The following LINC00237 variants were observed in gnomAD, a reference collection of about 807,000 sequenced individuals.
LINC00237 encodes the protein long independently transcribed non-coding RNA 237, also known as long intergenic non-protein coding RNA 237.
intron 2 of LINC00237, among the ~76,000 whole-genome samples, chr20:21,088,694 A>G (rs769120407): frequency 1.7e-4 from 26 of 152,240 alleles, no homozygotes; most frequent in Non-Finnish European, 3.2e-4. Context: ...GATTACAAAC[A>G]GAAAGTTCTG....
chr20:21,090,430 C>T (rs1431555854), intron 2 of LINC00237: 1 of 152,176 alleles, frequency 6.6e-6, no homozygotes, highest in African/African-American at 2.4e-5. Context: ...TGTTTATTTC[C>T]AAATTCAGGC....
chr20:21,086,215 G>A (rs143405027), intron 3 of LINC00237, among the ~76,000 whole-genome samples: 68 of 152,128 alleles, frequency 4.5e-4, no homozygotes, highest in African/African-American at 1.6e-3. Flanking sequence ...TGAAAAGATA[G>A]TCTAGAACAA....
exon 2 of LINC00237, chr20:21,093,705 T>A (rs1185985564): frequency 6.6e-6 from 1 of 152,236 alleles, no homozygotes; most frequent in Non-Finnish European, 1.5e-5. Flanking sequence ...CCTAGGATAA[T>A]GCATCATTCA....
intron 2 of LINC00237, among the ~76,000 whole-genome samples, chr20:21,092,072 C>T (rs1352463302): frequency 3.3e-5 from 5 of 152,162 alleles, no homozygotes; most frequent in Non-Finnish European, 5.9e-5. Context: ...TTAAGACCCC[C>T]TCGTCAGGGT....
At chr20:21,088,245 G>A (rs754946994) in intron 2 of LINC00237, among the ~76,000 whole-genome samples, 7 of 152,096 alleles carry the variant, frequency 4.6e-5, no homozygotes, top group South Asian at 4.1e-4. Flanking sequence ...AAAAGAACCC[G>A]GGACATTGAT....
At chr20:21,097,645 T>C (rs191996739) in intron 1 of LINC00237, among the ~76,000 whole-genome samples, 114 of 152,342 alleles carry the variant, frequency 7.5e-4, no homozygotes, top group African/African-American at 2.4e-3. Context: ...ATATTTCTAA[T>C]ATTTTTGTGC....
intron 1 of LINC00237, among the ~76,000 whole-genome samples, chr20:21,104,285 T>G (rs1162605670): frequency 6.6e-6 from 1 of 152,100 alleles, no homozygotes; most frequent in Non-Finnish European, 1.5e-5. Context: ...AGGAGCAAAT[T>G]TAAGGAATGA....
At chr20:21,095,416 C>CT (rs1420728433) in intron 1 of LINC00237, among the ~76,000 whole-genome samples, 2 of 152,160 alleles carry the variant, frequency 1.3e-5, no homozygotes, top group Non-Finnish European at 2.9e-5. Flanking sequence ...AAAAAATAAA[C>CT]TGTTGTTGTT....
chr20:21,092,264 A>G (rs903671694), intron 2 of LINC00237, among the ~76,000 whole-genome samples: 4 of 152,222 alleles, frequency 2.6e-5, no homozygotes, highest in African/African-American at 9.7e-5. Flanking sequence ...GAGAAGCTTG[A>G]TCAAGGGATA....
At chr20:21,097,196 T>A (rs1161473010) in intron 1 of LINC00237, among the ~76,000 whole-genome samples, 2 of 152,180 alleles carry the variant, frequency 1.3e-5, no homozygotes, top group Admixed American at 1.3e-4. Context: ...GTATCACAGA[T>A]GGAAATGCTA....
chr20:21,105,622 G>A (rs919703617), intron 1 of LINC00237, among the ~76,000 whole-genome samples: 2 of 152,192 alleles, frequency 1.3e-5, no homozygotes, highest in African/African-American at 2.4e-5. Context: ...GGCCACGCCT[G>A]AGCCCCCCTA....
At chr20:21,093,257 A>G (rs1168787643) in intron 2 of LINC00237, 2 of 152,218 alleles carry the variant, frequency 1.3e-5, no homozygotes, top group African/African-American at 2.4e-5. Context: ...AGACTAAAAT[A>G]AGTTTTGATA....
intron 2 of LINC00237, among the ~76,000 whole-genome samples, chr20:21,092,545 A>G (rs1004614633): frequency 6.6e-6 from 1 of 152,232 alleles, no homozygotes; most frequent in Non-Finnish European, 1.5e-5. Context: ...ATCATCTGTT[A>G]TTTCAATGAT....
chr20:21,092,088 A>G (rs112876558), intron 2 of LINC00237, among the ~76,000 whole-genome samples: 31 of 152,330 alleles, frequency 2.0e-4, no homozygotes, highest in African/African-American at 7.5e-4. Context: ...AGGGTGCTTC[A>G]ACTCAATTAA....
At chr20:21,091,575 T>C (rs183248272) in intron 2 of LINC00237, among the ~76,000 whole-genome samples, 184 of 152,322 alleles carry the variant, frequency 1.2e-3, no homozygotes, top group Non-Finnish European at 2.1e-3. Flanking sequence ...ATGCTGAGAA[T>C]TGACAACTTC....
chr20:21,102,579 C>A (rs1174900861), intron 1 of LINC00237, among the ~76,000 whole-genome samples: 3 of 151,994 alleles, frequency 2.0e-5, no homozygotes, highest in African/African-American at 7.3e-5. Context: ...AGTACATTCA[C>A]GCAAATGTGA....
intron 2 of LINC00237, among the ~76,000 whole-genome samples, chr20:21,092,033 A>C (rs2030800051): frequency 1.3e-5 from 2 of 152,186 alleles, no homozygotes; most frequent in Admixed American, 6.5e-5. Flanking sequence ...CTTTCTGACA[A>C]ATCACTATTA....
chr20:21,087,243 G>C (rs1233030267), intron 3 of LINC00237, among the ~76,000 whole-genome samples: 1 of 151,830 alleles, frequency 6.6e-6, no homozygotes, highest in Non-Finnish European at 1.5e-5. Context: ...CGCTTAACAG[G>C]ATCTTGGCAT....
intron 3 of LINC00237, among the ~76,000 whole-genome samples, chr20:21,087,174 A>G (rs1050478857): frequency 2.6e-5 from 4 of 151,820 alleles, no homozygotes; most frequent in Non-Finnish European, 5.9e-5. Context: ...TGGGGGCAGT[A>G]TGGATTATGA....
Sources: gnomAD v4.1 joint callset for allele counts (sites outside exome capture counted in the v4.1 genomes callset) on GRCh38, gnomAD v4.1.1 for gene constraint, MANE v1.5 for transcripts, NCBI Gene and HGNC (gene_info 2026-07-23, HGNC 2026-07-21) for gene names.